The following STK32A variants were observed in gnomAD, a reference collection of about 807,000 sequenced individuals.
STK32A encodes serine/threonine kinase 32A.
Under a neutral mutation model 53.2 loss-of-function variants are expected in STK32A, and 41 were observed. That is an observed-to-expected ratio of 0.77 (90% CI 0.60 to 1.00). The LOEUF is 1.00. STK32A is among the 50% of genes least tolerant of loss of function. The pLI is 0.00. For synonymous variants in STK32A, 166 were observed against 162.8 expected (o/e 1.02, Z -0.15); for missense variants, 458 against 485.8 (o/e 0.94, Z 0.54).
At chr5:147,292,848 T>C (rs60368929) in intron 4 of STK32A, among the ~76,000 whole-genome samples, 50,626 of 151,486 alleles carry the variant, frequency 0.33, 8,792 homozygotes, top group South Asian at 0.6. Flanking sequence ...GCAACAAGAG[T>C]GAAACTTCAT....
chr5:147,318,317 T>C (rs990511225), intron 4 of STK32A, among the ~76,000 whole-genome samples: 25 of 152,202 alleles, frequency 1.6e-4, no homozygotes, highest in Non-Finnish European at 4.4e-5. Context: ...AAAAATGCTG[T>C]ATAATCTGTA....
chr5:147,316,411 T>G (rs572568010), intron 4 of STK32A, among the ~76,000 whole-genome samples: 1 of 152,330 alleles, frequency 6.6e-6, no homozygotes, highest in South Asian at 2.1e-4. Flanking sequence ...TATGTTTTCA[T>G]ATTCTACAGT....
chr5:147,290,885 TA>T (rs1194790318), intron 4 of STK32A, among the ~76,000 whole-genome samples: 2 of 152,180 alleles, frequency 1.3e-5, no homozygotes, highest in African/African-American at 4.8e-5. Context: ...TAGCAGCAGT[TA>T]TAAGTGGGGT....
intron 11 of STK32A, among the ~76,000 whole-genome samples, chr5:147,382,415 C>G (rs1385286332): frequency 2.6e-5 from 4 of 151,784 alleles, no homozygotes; most frequent in African/African-American, 9.7e-5. Context: ...TCTAGTAGAT[C>G]TACTGTTAGG....
At chr5:147,303,308 T>G (rs1753231616) in intron 4 of STK32A, among the ~76,000 whole-genome samples, 1 of 152,208 alleles carries the variant, frequency 6.6e-6, no homozygotes. Context: ...TGGGCTGTTA[T>G]GTGAGTCAGT....
intron 4 of STK32A, among the ~76,000 whole-genome samples, chr5:147,280,861 T>C (rs1752031796): frequency 6.6e-6 from 1 of 152,092 alleles, no homozygotes; most frequent in East Asian, 1.9e-4. Context: ...TAACCAAAGC[T>C]AAGAACCCTT....
At chr5:147,345,735 T>C (rs1755653369) in intron 6 of STK32A, among the ~76,000 whole-genome samples, 1 of 152,180 alleles carries the variant, frequency 6.6e-6, no homozygotes, top group South Asian at 2.1e-4. Context: ...GCCTACAGAA[T>C]ACAAGCCATC....
intron 1 of STK32A, among the ~76,000 whole-genome samples, chr5:147,235,815 G>A (rs1753288371): frequency 2.0e-5 from 3 of 152,104 alleles, no homozygotes; most frequent in South Asian, 4.1e-4. Context: ...AGTGTGAAAG[G>A]GAAATCAATT....
chr5:147,293,468 T>A (rs1381391812), intron 4 of STK32A, among the ~76,000 whole-genome samples: 1 of 112,516 alleles, frequency 8.9e-6, no homozygotes, highest in African/African-American at 3.9e-5. Flanking sequence ...ATCTGAAAAG[T>A]TATTTCGAGG....
intron 7 of STK32A, among the ~76,000 whole-genome samples, chr5:147,357,245 C>T (rs1756289020): frequency 6.6e-6 from 1 of 152,020 alleles, no homozygotes; most frequent in Non-Finnish European, 1.5e-5. Context: ...CTTGTACTTG[C>T]TCTGGAAGTG....
intron 5 of STK32A, among the ~76,000 whole-genome samples, chr5:147,333,027 G>A (rs950821470): frequency 2.0e-5 from 3 of 152,184 alleles, no homozygotes; most frequent in Non-Finnish European, 2.9e-5. Context: ...TCGTTAATAT[G>A]CAACCTGTGA....
chr5:147,333,543 G>A (rs1754975496), intron 5 of STK32A, among the ~76,000 whole-genome samples: 1 of 152,146 alleles, frequency 6.6e-6, no homozygotes, highest in Non-Finnish European at 1.5e-5. Flanking sequence ...AAGACACTAA[G>A]CACCTCTGAA....
chr5:147,257,772 C>T (rs1033585374), intron 2 of STK32A, among the ~76,000 whole-genome samples: 1 of 152,080 alleles, frequency 6.6e-6, no homozygotes, highest in African/African-American at 2.4e-5. Flanking sequence ...GTTGGTTTAC[C>T]GGAAATTCTA....
chr5:147,368,067 G>C (rs1756846741), intron 8 of STK32A, among the ~76,000 whole-genome samples: 1 of 152,184 alleles, frequency 6.6e-6, no homozygotes, highest in African/African-American at 2.4e-5. Flanking sequence ...TCTGAGTTTG[G>C]TTTCAGTCTT....
intron 6 of STK32A, among the ~76,000 whole-genome samples, chr5:147,346,728 T>C (rs1226096870): frequency 3.9e-5 from 6 of 152,176 alleles, no homozygotes; most frequent in African/African-American, 1.4e-4. Context: ...ATTCTATCAA[T>C]ACCATAGTGT....
intron 2 of STK32A, among the ~76,000 whole-genome samples, chr5:147,277,200 A>C (rs1751789388): frequency 1.3e-5 from 2 of 152,206 alleles, no homozygotes; most frequent in Admixed American, 1.3e-4. Context: ...ATAAACTTAA[A>C]ATCCCTTATT....
At chr5:147,275,200 C>T (rs578242009) in intron 2 of STK32A, among the ~76,000 whole-genome samples, 8 of 152,258 alleles carry the variant, frequency 5.3e-5, no homozygotes, top group South Asian at 2.1e-4. Context: ...CTCTCTCTCT[C>T]TCTTTCTGAT....
intron 7 of STK32A, among the ~76,000 whole-genome samples, chr5:147,357,409 CT>C (rs1756298553): frequency 6.6e-6 from 1 of 151,982 alleles, no homozygotes; most frequent in Non-Finnish European, 1.5e-5. Context: ...AAATTCTTTG[CT>C]CATTTTCTAT....
At position 147,384,511 on chromosome 5, in the gene STK32A, A is replaced by T. The variant is rs73794707; in HGVS notation, c.*528A>T. 1,519 of 1,275,176 alleles carry T rather than the reference A, an allele frequency of 1.2e-3. 17 individuals carry two copies. In the African/African-American group the frequency reaches 0.021, roughly 17 times the overall value. 79.0% of individuals were successfully genotyped at this position (1,275,176 alleles called of 1,614,324 possible). A position where few individuals can be genotyped will look rare whatever the true frequency, so the allele number is the denominator to read the frequency against. ...AGGGAGGCATGAATGGAATCAGATT[A>T]AAAGTAACAGAGATGGATGAGGGCC... On this transcript the variant is annotated 3_prime_UTR_variant, in exon 13 of 13. Transcript: ENST00000397936.
Sources: gnomAD v4.1 joint callset for allele counts (sites outside exome capture counted in the v4.1 genomes callset) on GRCh38, gnomAD v4.1.1 for gene constraint, MANE v1.5 for transcripts, NCBI Gene and HGNC (gene_info 2026-07-23, HGNC 2026-07-21) for gene names.